The following PCSK5 variants were observed in gnomAD, a reference collection of about 807,000 sequenced individuals.
PCSK5 encodes the protein proprotein convertase subtilisin/kexin type 5.
In PCSK5, 129 loss-of-function variants were observed where a neutral mutation model predicts 233.2. The ratio of observed to expected loss-of-function variants is 0.55; its 90% CI spans 0.48 to 0.64. PCSK5 has a LOEUF of 0.64. Among genes scored for constraint, PCSK5 ranks in the 30% least tolerant of loss-of-function variants. The pLI is 0.00. For synonymous variants in PCSK5, 825 were observed against 879.2 expected (o/e 0.94, Z 1.09); for missense variants, 2,076 against 2,430.1 (o/e 0.85, Z 3.06).
intron 24 of PCSK5, among the ~76,000 whole-genome samples, chr9:76,263,184 T>C (rs1228589814): frequency 6.6e-6 from 1 of 152,142 alleles, no homozygotes; most frequent in African/African-American, 2.4e-5. Flanking sequence ...TTGGTGGGAC[T>C]GTAAACTAGT....
intron 21 of PCSK5, among the ~76,000 whole-genome samples, chr9:76,231,777 C>A (rs1201042689): frequency 6.6e-6 from 1 of 152,170 alleles, no homozygotes; most frequent in Non-Finnish European, 1.5e-5. Context: ...TCATTCTATG[C>A]CATGGTGCAG....
At chr9:76,094,038 C>T (rs1176490291) in intron 7 of PCSK5, among the ~76,000 whole-genome samples, 4 of 152,082 alleles carry the variant, frequency 2.6e-5, no homozygotes, top group African/African-American at 7.2e-5. Context: ...GCCCAGCTGT[C>T]GAGCAGCAAT....
chr9:76,005,905 G>A (rs1481775438), intron 3 of PCSK5, among the ~76,000 whole-genome samples: 1 of 152,016 alleles, frequency 6.6e-6, no homozygotes, highest in East Asian at 1.9e-4. Context: ...GAGTGCAGTG[G>A]CACAATCGTA....
chr9:76,071,284 T>C (rs775615564), intron 6 of PCSK5, among the ~76,000 whole-genome samples: 8 of 152,220 alleles, frequency 5.3e-5, no homozygotes, highest in Non-Finnish European at 1.0e-4. Context: ...ATATGGAGGA[T>C]ACGAGACCAT....
chr9:76,150,063 G>A (rs941579102), intron 10 of PCSK5, among the ~76,000 whole-genome samples: 2 of 152,158 alleles, frequency 1.3e-5, no homozygotes, highest in Non-Finnish European at 2.9e-5. Flanking sequence ...ATTCCTATAT[G>A]TGTATAATGA....
intron 2 of PCSK5, among the ~76,000 whole-genome samples, chr9:75,940,237 T>G (rs1824238168): frequency 6.6e-6 from 1 of 152,196 alleles, no homozygotes; most frequent in African/African-American, 2.4e-5. Context: ...TCGAGTCTAC[T>G]TTTGCCTTCC....
chr9:76,204,795 G>A (rs554783874), intron 20 of PCSK5, among the ~76,000 whole-genome samples: 1 of 152,316 alleles, frequency 6.6e-6, no homozygotes, highest in African/African-American at 2.4e-5. Context: ...CCGTGGCACA[G>A]TTGAAGAGGC....
intron 7 of PCSK5, among the ~76,000 whole-genome samples, chr9:76,083,990 A>G (rs1310356164): frequency 6.6e-6 from 1 of 152,216 alleles, no homozygotes; most frequent in African/African-American, 2.4e-5. Context: ...AAAATTTTGG[A>G]ATGATATATA....
At chr9:76,153,459 T>TAC (rs1823756140) in intron 10 of PCSK5, among the ~76,000 whole-genome samples, 1 of 152,210 alleles carries the variant, frequency 6.6e-6, no homozygotes, top group Non-Finnish European at 1.5e-5. Context: ...TCATGGAATT[T>TAC]TGCATTTTAC....
rs770864014 is a variant in PCSK5 at position 76,159,036 on chromosome 9, C to T, written c.1484C>T (p.Ser495Leu). Residue 495 changes from serine to leucine, a missense_variant, in exon 12 of 38, where the codon TCG becomes TTG. Transcript: ENST00000674117. ...TCCATCTACAAAGCTTCAGGCTGCT[C>T]GGATAACCCCAACCGCCATGTCAAC... ...VRSIYKASGC[S>L]DNPNRHVNYL... The T allele has an allele frequency of 3.7e-5, 59 of 1,614,050 alleles. No individual in the cohort carries two copies. The highest frequency in any genetic ancestry group is 4.7e-5 in the Non-Finnish European group (56 of 1,180,016).
chr9:76,227,599 T>C lies in PCSK5; in HGVS notation c.2723T>C (p.Met908Thr), dbSNP rs1825939509. ...PTQEDCTTCPMTRIFDDGRCV... is the reference protein window; with the variant it reads ...PTQEDCTTCPTTRIFDDGRCV... ...CAGGAAGACTGCACTACCTGCCCCA[T>C]GACAAGGTAAGTGGCTTCTCAGGAT... Residue 908 changes from methionine (M) to threonine (T), a missense_variant, in exon 21 of 38, where the codon ATG becomes ACG. Physicochemically the swap from Met to Thr is moderately conservative, Grantham distance 81. Around this residue, in one of 6 missense-constraint regions of PCSK5, gnomAD observed 1,510 missense variants for 1,538.1 expected, o/e 0.98. Transcript: ENST00000674117. The C allele has an allele frequency of 6.2e-7, 1 of 1,606,150 alleles. No individual in the cohort carries two copies. The highest frequency in any genetic ancestry group is 1.1e-5 in the South Asian group (1 of 90,254).
chr9:76,260,479 A>C (rs1484839498), intron 24 of PCSK5, among the ~76,000 whole-genome samples: 2 of 152,242 alleles, frequency 1.3e-5, no homozygotes, highest in Non-Finnish European at 2.9e-5. Context: ...GAGACAGGAG[A>C]GAAACCATCA....
intron 28 of PCSK5, among the ~76,000 whole-genome samples, chr9:76,304,361 T>C (rs186546106): frequency 9.1e-4 from 138 of 152,358 alleles, no homozygotes; most frequent in Middle Eastern, 3.4e-3. Context: ...GTTTCATCTA[T>C]GGCAAGGCTC....
chr9:76,229,282 C>A (rs754638576), intron 21 of PCSK5, among the ~76,000 whole-genome samples: 1 of 152,222 alleles, frequency 6.6e-6, no homozygotes, highest in Non-Finnish European at 1.5e-5. Flanking sequence ...CATGTTTGGA[C>A]GTCTTTTGAA....
At chr9:76,039,872 T>C (rs968815881) in intron 5 of PCSK5, among the ~76,000 whole-genome samples, 1 of 152,156 alleles carries the variant, frequency 6.6e-6, no homozygotes, top group African/African-American at 2.4e-5. Flanking sequence ...AGCAGGGTCA[T>C]TATGTGTTTC....
At chr9:76,093,582 T>TATATATACACAC (rs375899150) in intron 7 of PCSK5, among the ~76,000 whole-genome samples, 18 of 149,930 alleles carry the variant, frequency 1.2e-4, no homozygotes, top group South Asian at 2.1e-4. Flanking sequence ...TATATATATA[T>TATATATACACAC]ACACACACAC....
At chr9:76,206,780 C>T (rs1254825326) in intron 20 of PCSK5, among the ~76,000 whole-genome samples, 3 of 152,214 alleles carry the variant, frequency 2.0e-5, no homozygotes, top group Non-Finnish European at 2.9e-5. Context: ...CCTGCTGACT[C>T]GCCTATACTG....
chr9:76,271,435 G>T (rs1357684232), intron 24 of PCSK5, among the ~76,000 whole-genome samples: 1 of 152,192 alleles, frequency 6.6e-6, no homozygotes, highest in African/African-American at 2.4e-5. Context: ...TTTAAAAGAA[G>T]TGGCAGCTCT....
chr9:75,968,785 TAAAG>T (rs1171113994), intron 2 of PCSK5, among the ~76,000 whole-genome samples: 1 of 152,246 alleles, frequency 6.6e-6, no homozygotes, highest in East Asian at 1.9e-4. Context: ...ATTCATCTCA[TAAAG>T]ACTCAAAAAT....
Sources: allele counts gnomAD v4.1 joint callset (sites outside exome capture counted in the v4.1 genomes callset), GRCh38; gene constraint gnomAD v4.1.1; regional missense constraint gnomAD v4.1.1; transcripts MANE v1.5; gene names NCBI Gene and HGNC (gene_info 2026-07-23, HGNC 2026-07-21).